Variants in SMYD3 observed in about 807,000 individuals in gnomAD.
SMYD3 encodes SET and MYND domain containing 3.
A neutral mutation model predicts 57.7 loss-of-function variants in SMYD3; 36 were observed. The ratio of observed to expected loss-of-function variants is 0.62; its 90% CI spans 0.48 to 0.82. SMYD3 has a LOEUF of 0.82. SMYD3 is among the 40% of genes least tolerant of loss of function. The probability of loss-of-function intolerance (pLI) is 0.00; values close to 1 mark genes in which losing one functional copy is unlikely to be tolerated. For missense variants in SMYD3, 515 were observed against 538.8 expected (o/e 0.96, Z 0.44); for synonymous variants, 211 against 195.0 (o/e 1.08, Z -0.68).
chr1:246,259,720 G>A (rs750742313), intron 5 of SMYD3, among the ~76,000 whole-genome samples: 1 of 152,230 alleles, frequency 6.6e-6, no homozygotes, highest in Non-Finnish European at 1.5e-5. Flanking sequence ...TCCCTGCTCA[G>A]CCCCAAGGGC....
chr1:246,418,328 G>A (rs998711933), intron 1 of SMYD3, among the ~76,000 whole-genome samples: 20 of 152,224 alleles, frequency 1.3e-4, no homozygotes, highest in African/African-American at 4.8e-4. Flanking sequence ...TGCCACAGAG[G>A]GAGTGGCTTG....
intron 5 of SMYD3, among the ~76,000 whole-genome samples, chr1:246,040,244 G>C (rs957496616): frequency 6.6e-6 from 1 of 152,154 alleles, no homozygotes; most frequent in Non-Finnish European, 1.5e-5. Context: ...AAACAGAAGA[G>C]GATTTATGTA....
chr1:246,261,662 T>C (rs1323604945), intron 5 of SMYD3, among the ~76,000 whole-genome samples: 1 of 151,588 alleles, frequency 6.6e-6, no homozygotes, highest in African/African-American at 2.4e-5. Flanking sequence ...AGAAAAACAC[T>C]GCTTTGTTTC....
At chr1:245,846,480 G>A (rs1017170852) in intron 10 of SMYD3, among the ~76,000 whole-genome samples, 10 of 152,202 alleles carry the variant, frequency 6.6e-5, no homozygotes, top group Non-Finnish European at 1.5e-4. Context: ...GCCAATCTGG[G>A]TTCAGGCTGA....
chr1:245,818,510 C>T (rs1380315516), intron 10 of SMYD3, among the ~76,000 whole-genome samples: 1 of 152,116 alleles, frequency 6.6e-6, no homozygotes, highest in Non-Finnish European at 1.5e-5. Flanking sequence ...AACCAGCTAA[C>T]ATCATAATGA....
At chr1:245,822,919 A>T (rs2049256637) in intron 10 of SMYD3, among the ~76,000 whole-genome samples, 1 of 152,192 alleles carries the variant, frequency 6.6e-6, no homozygotes. Context: ...TAATAAATAG[A>T]ATTTGATCAT....
intron 5 of SMYD3, among the ~76,000 whole-genome samples, chr1:246,271,064 T>C (rs2064210490): frequency 6.6e-6 from 1 of 152,218 alleles, no homozygotes; most frequent in Non-Finnish European, 1.5e-5. Context: ...TCCGTCATGA[T>C]TAGTGATGCT....
At chr1:246,208,036 C>T (rs772148366) in intron 5 of SMYD3, among the ~76,000 whole-genome samples, 7 of 152,042 alleles carry the variant, frequency 4.6e-5, no homozygotes, top group Non-Finnish European at 1.0e-4. Context: ...AAGAATATGC[C>T]TCATTCTAGC....
intron 10 of SMYD3, among the ~76,000 whole-genome samples, chr1:245,857,691 C>T (rs1572525738): frequency 6.6e-6 from 1 of 152,146 alleles, no homozygotes; most frequent in Non-Finnish European, 1.5e-5. Context: ...GAGACTGAGC[C>T]ATTCCCACCT....
chr1:246,434,905 C>T (rs2067348166), intron 1 of SMYD3, among the ~76,000 whole-genome samples: 1 of 152,108 alleles, frequency 6.6e-6, no homozygotes, highest in South Asian at 2.1e-4. Flanking sequence ...CCTAGGTGTA[C>T]ATCAATAGTG....
At chr1:246,380,520 T>C (rs2066369828) in intron 1 of SMYD3, among the ~76,000 whole-genome samples, 1 of 152,268 alleles carries the variant, frequency 6.6e-6, no homozygotes. Flanking sequence ...AATTATCTTT[T>C]AAAGACCTTC....
At chr1:246,395,620 G>GTCA (rs1558442764) in intron 1 of SMYD3, among the ~76,000 whole-genome samples, 1,100 of 28,194 alleles carry the variant, frequency 0.039, 6 homozygotes, top group African/African-American at 0.11. Flanking sequence ...CACCATGGCT[G>GTCA]GACAGGGAAG....
intron 5 of SMYD3, among the ~76,000 whole-genome samples, chr1:246,076,256 T>C (rs2060544309): frequency 6.6e-6 from 1 of 152,190 alleles, no homozygotes; most frequent in African/African-American, 2.4e-5. Context: ...AGTTCTCTGT[T>C]CCATTCACAA....
chr1:246,438,374 T>G (rs2067411813), intron 1 of SMYD3, among the ~76,000 whole-genome samples: 1 of 152,116 alleles, frequency 6.6e-6, no homozygotes, highest in South Asian at 2.1e-4. Context: ...TAAAATAAAT[T>G]TTCAACCATC....
At chr1:245,917,727 G>A (rs1055459166) in intron 7 of SMYD3, among the ~76,000 whole-genome samples, 1 of 152,092 alleles carries the variant, frequency 6.6e-6, no homozygotes, top group Non-Finnish European at 1.5e-5. Context: ...ATATCAGCTT[G>A]TACCAGACTG....
chr1:246,183,249 C>T (rs1280897693), intron 5 of SMYD3, among the ~76,000 whole-genome samples: 1 of 151,988 alleles, frequency 6.6e-6, no homozygotes, highest in Non-Finnish European at 1.5e-5. Context: ...CCAGACAATA[C>T]TTTTCAATTA....
At chr1:245,783,213 C>T (rs1282104434) in intron 10 of SMYD3, among the ~76,000 whole-genome samples, 5 of 152,082 alleles carry the variant, frequency 3.3e-5, no homozygotes, top group African/African-American at 1.2e-4. Flanking sequence ...GAGGAGCCTT[C>T]ACAGAAGTAC....
intron 5 of SMYD3, among the ~76,000 whole-genome samples, chr1:246,165,380 G>A (rs977101015): frequency 6.6e-6 from 1 of 152,068 alleles, no homozygotes; most frequent in Non-Finnish European, 1.5e-5. Flanking sequence ...TTCCTAAGAG[G>A]AAGACAGGCA....
At chr1:246,502,649 C>T (rs55881259) in intron 1 of SMYD3, among the ~76,000 whole-genome samples, 62,366 of 152,012 alleles carry the variant, frequency 0.41, 14,409 homozygotes, top group East Asian at 0.71. Flanking sequence ...GATTTCCCTC[C>T]AAGGTCTTAT....
Sources: allele counts gnomAD v4.1 joint callset (sites outside exome capture counted in the v4.1 genomes callset), GRCh38; gene constraint gnomAD v4.1.1; transcripts MANE v1.5; gene names NCBI Gene and HGNC (gene_info 2026-07-23, HGNC 2026-07-21).